The following IST1 variants were observed in gnomAD, a reference collection of about 807,000 sequenced individuals.
IST1 encodes IST1 homolog.
IST1 carries 23 observed loss-of-function variants against 37.0 expected under a neutral mutation model. The observed-to-expected ratio is 0.62, with a 90% CI of 0.45 to 0.88. The LOEUF is 0.88. Ranked by LOEUF, IST1 falls within the 40% of genes least tolerant of loss-of-function variation. The probability of loss-of-function intolerance (pLI) is 0.00; values close to 1 mark genes in which losing one functional copy is unlikely to be tolerated. For missense variants in IST1, 488 were observed against 445.4 expected (o/e 1.10, Z -0.86); for synonymous variants, 180 against 161.7 (o/e 1.11, Z -0.86).
chr16:71,901,698 G>T (rs570404867), intron 1 of IST1, among the ~76,000 whole-genome samples: 5 of 152,254 alleles, frequency 3.3e-5, no homozygotes, highest in African/African-American at 1.2e-4. Context: ...AAATAGTTTA[G>T]CAAATTGCTT....
chr16:71,921,067 T>C, intron 5 of IST1: 1 of 606,286 alleles, frequency 1.6e-6, no homozygotes, highest in Non-Finnish European at 3.0e-6. Context: ...TTGTGAAGGT[T>C]GGAAGTGAGG....
chr16:71,913,137 T>G (rs1455859630), intron 1 of IST1, among the ~76,000 whole-genome samples: 1 of 152,224 alleles, frequency 6.6e-6, no homozygotes, highest in African/African-American at 2.4e-5. Flanking sequence ...ATTTCTAGAT[T>G]ATGTGGTAGT....
At chr16:71,926,961 A>G (rs1275333465) in intron 9 of IST1, among the ~76,000 whole-genome samples, 2 of 152,140 alleles carry the variant, frequency 1.3e-5, no homozygotes, top group African/African-American at 4.8e-5. Context: ...TCCCTAAAGA[A>G]TGTTGGTTCT....
intron 1 of IST1, chr16:71,903,573 C>G (rs953515648): frequency 6.6e-6 from 1 of 152,292 alleles, no homozygotes; most frequent in Non-Finnish European, 1.5e-5. Flanking sequence ...TTTTCCTCTT[C>G]TTTAAAAATT....
chr16:71,918,164 G>T (rs1057162715), intron 4 of IST1, among the ~76,000 whole-genome samples: 2 of 152,158 alleles, frequency 1.3e-5, no homozygotes, highest in Non-Finnish European at 2.9e-5. Flanking sequence ...TCTGTCGAGT[G>T]TATAAGCTGG....
intron 1 of IST1, among the ~76,000 whole-genome samples, chr16:71,912,562 A>G (rs1290844054): frequency 1.3e-5 from 2 of 152,182 alleles, no homozygotes; most frequent in African/African-American, 2.4e-5. Context: ...TGTTTATCCT[A>G]TGTTAATAGT....
intron 1 of IST1, among the ~76,000 whole-genome samples, chr16:71,910,081 T>C (rs2037317164): frequency 6.6e-6 from 1 of 152,204 alleles, no homozygotes; most frequent in Admixed American, 6.5e-5. Flanking sequence ...TCCTCCCTTA[T>C]CCATGTTTTC....
At position 71,921,399 on chromosome 16, in the gene IST1, G is replaced by C; in HGVS notation, c.498G>C (p.Leu166=). ...APPKILVERY[L]IEIAKNYNVP... is the part of the protein sequence containing the mutation. ...CCAAAATCCTGGTGGAGAGATACCT[G>C]ATTGAAATTGCAAAGAATTACAACG... The change falls in exon 6 of 10, where the codon CTG becomes CTC. Residue 166 remains leucine (L), a synonymous_variant. Transcript: ENST00000378799. 1 of 1,613,882 alleles carries C rather than the reference G, an allele frequency of 6.2e-7. No individual in the cohort carries two copies. The highest frequency in any genetic ancestry group is 1.1e-5 in the South Asian group (1 of 91,084).
chr16:71,927,386 G>A (rs558516856), intron 9 of IST1, among the ~76,000 whole-genome samples: 5 of 151,866 alleles, frequency 3.3e-5, no homozygotes, highest in Non-Finnish European at 7.4e-5. Flanking sequence ...CTACTCAGGA[G>A]GCTGAGGCAG....
intron 4 of IST1, among the ~76,000 whole-genome samples, chr16:71,920,143 A>C (rs923904243): frequency 2.6e-5 from 4 of 152,224 alleles, no homozygotes; most frequent in Non-Finnish European, 4.4e-5. Context: ...AGGGAGAACA[A>C]AGGAAAAGAG....
chr16:71,914,326 T>A (rs1445191601), intron 1 of IST1, among the ~76,000 whole-genome samples: 1 of 151,250 alleles, frequency 6.6e-6, no homozygotes, highest in Non-Finnish European at 1.5e-5. Context: ...GCCCAGCTAA[T>A]TTTTTTTGTA....
intron 6 of IST1, chr16:71,921,832 T>C (rs2037593599): frequency 5.0e-6 from 1 of 198,742 alleles, no homozygotes; most frequent in Admixed American, 5.3e-5. Flanking sequence ...GATACAGGGA[T>C]AAAAAATCAT....
intron 8 of IST1, chr16:71,924,474 C>G (rs1237753786): frequency 1.9e-6 from 1 of 516,480 alleles, no homozygotes; most frequent in Non-Finnish European, 3.5e-6. Flanking sequence ...GCCTGTGGTC[C>G]CAGCTATGCA....
At chr16:71,913,185 T>C (rs2037395364) in intron 1 of IST1, among the ~76,000 whole-genome samples, 2 of 152,234 alleles carry the variant, frequency 1.3e-5, no homozygotes, top group Admixed American at 1.3e-4. Context: ...ACCGCCATAC[T>C]GTCTTTCCAT....
Position 71,921,447 on chromosome 16 carries a change from G to A in IST1, c.546G>A (p.Val182=). 1.3e-6 allele frequency: 2 copies of A among 1,593,242 alleles called. No individual in the cohort carries two copies. The highest frequency in any genetic ancestry group is 1.7e-6 in the Non-Finnish European group (2 of 1,161,062). The change falls in exon 6 of 10, where the codon GTG becomes GTA. Residue 182 remains valine, a synonymous_variant. Coordinates refer to ENST00000378799, the MANE Select transcript of IST1 (RefSeq NM_001270975.2). ...NYNVPYEPDS[V]VMAEAPPGVE... Reference sequence around the variant, plus strand: ...ACGTACCCTATGAACCTGACTCTGTGGTCATGGTAAGTTTATCCCAGAATA... The same window carrying A: ...ACGTACCCTATGAACCTGACTCTGTAGTCATGGTAAGTTTATCCCAGAATA...
intron 1 of IST1, chr16:71,903,727 A>G (rs1349027315): frequency 6.6e-6 from 1 of 152,134 alleles, no homozygotes; most frequent in Non-Finnish European, 1.5e-5. Flanking sequence ...TTGATTTTAG[A>G]ACCCCAGCTA....
chr16:71,900,988 G>T (rs2037095212), intron 1 of IST1, among the ~76,000 whole-genome samples: 1 of 152,140 alleles, frequency 6.6e-6, no homozygotes, highest in Admixed American at 6.5e-5. Context: ...TTACTTACTG[G>T]ACAATGTTAG....
intron 1 of IST1, among the ~76,000 whole-genome samples, chr16:71,911,375 A>G (rs71386940): frequency 0.2 from 30,871 of 151,716 alleles, 3,784 homozygotes; most frequent in Non-Finnish European, 0.28. Context: ...AACTATTGCT[A>G]TACAAAGTTC....
At chr16:71,912,382 C>T (rs1322832044) in intron 1 of IST1, among the ~76,000 whole-genome samples, 4 of 152,022 alleles carry the variant, frequency 2.6e-5, no homozygotes, top group Admixed American at 1.3e-4. Context: ...GGACTACAGG[C>T]GCCCGCCACC....
Sources: gnomAD v4.1 joint callset for allele counts (sites outside exome capture counted in the v4.1 genomes callset) on GRCh38, gnomAD v4.1.1 for gene constraint, MANE v1.5 for transcripts, NCBI Gene and HGNC (gene_info 2026-07-23, HGNC 2026-07-21) for gene names.